Variants in SYT9 observed in about 807,000 individuals in gnomAD.
SYT9 encodes synaptotagmin 9, also known as synaptotagmin-9.
SYT9 carries 22 observed loss-of-function variants against 48.4 expected under a neutral mutation model. The observed-to-expected ratio is 0.45, with a 90% CI of 0.32 to 0.65. The LOEUF (loss-of-function observed/expected upper bound fraction) is 0.65, where lower values mean the gene tolerates loss of function less well. SYT9 is among the 30% of genes least tolerant of loss of function. SYT9 has a pLI of 0.03. For missense variants in SYT9, 577 were observed against 622.0 expected, an observed-to-expected ratio of 0.93 and a Z score of 0.77; for synonymous variants, 265 against 245.0, an observed-to-expected ratio of 1.08 and a Z score of -0.76.
At chr11:7,421,277 T>C (rs1407694409) in intron 6 of SYT9, among the ~76,000 whole-genome samples, 1 of 151,972 alleles carries the variant, frequency 6.6e-6, no homozygotes, top group African/African-American at 2.4e-5. Context: ...GTCCCCTCAT[T>C]ATACAATATG....
At chr11:7,269,217 G>A (rs141016588) in intron 1 of SYT9, among the ~76,000 whole-genome samples, 127 of 152,074 alleles carry the variant, frequency 8.4e-4, no homozygotes, top group African/African-American at 3.0e-3. Flanking sequence ...AATCAGTTGG[G>A]GGGGTGGGAA....
intron 1 of SYT9, among the ~76,000 whole-genome samples, chr11:7,255,637 G>A (rs1214866422): frequency 6.6e-6 from 1 of 152,180 alleles, no homozygotes; most frequent in African/African-American, 2.4e-5. Flanking sequence ...TGAAGGAAGA[G>A]ATGTGAAAGG....
intron 3 of SYT9, among the ~76,000 whole-genome samples, chr11:7,353,900 C>G (rs7116444): frequency 1.3e-5 from 2 of 151,888 alleles, no homozygotes; most frequent in African/African-American, 4.8e-5. Flanking sequence ...AAAACATACA[C>G]AAAATTTTAC....
chr11:7,276,927 G>A (rs1314272502), intron 1 of SYT9, among the ~76,000 whole-genome samples: 3 of 151,764 alleles, frequency 2.0e-5, no homozygotes, highest in African/African-American at 4.8e-5. Flanking sequence ...GGTGGCAGGC[G>A]CCTGTAATCC....
At chr11:7,463,469 C>A (rs984091030) in intron 6 of SYT9, among the ~76,000 whole-genome samples, 1 of 151,994 alleles carries the variant, frequency 6.6e-6, no homozygotes, top group Non-Finnish European at 1.5e-5. Context: ...TTCTAGTCTT[C>A]CCCCAACAGA....
intron 3 of SYT9, among the ~76,000 whole-genome samples, chr11:7,324,566 T>C (rs1400379656): frequency 1.3e-5 from 2 of 152,000 alleles, no homozygotes; most frequent in Non-Finnish European, 2.9e-5. Context: ...TTTAGCTTTA[T>C]GTTTGCAAAT....
intron 6 of SYT9, chr11:7,435,091 G>T (rs563674095): frequency 1.3e-5 from 2 of 152,268 alleles, no homozygotes; most frequent in East Asian, 3.9e-4. Flanking sequence ...GAAAATCAAG[G>T]TTCCCGCCAT....
intron 1 of SYT9, among the ~76,000 whole-genome samples, chr11:7,285,700 TG>T (rs1848583788): frequency 6.6e-6 from 1 of 152,234 alleles, no homozygotes; most frequent in South Asian, 2.1e-4. Flanking sequence ...CCTTTGAGCC[TG>T]TAAAATCTAA....
chr11:7,404,848 A>G (rs763070214), intron 3 of SYT9, among the ~76,000 whole-genome samples: 12 of 152,304 alleles, frequency 7.9e-5, no homozygotes, highest in Non-Finnish European at 1.8e-4. Flanking sequence ...GGATTAGACA[A>G]AAACTACAGT....
intron 3 of SYT9, among the ~76,000 whole-genome samples, chr11:7,409,558 G>T (rs1238970173): frequency 6.6e-6 from 1 of 151,954 alleles, no homozygotes; most frequent in African/African-American, 2.4e-5. Context: ...ACTCGTTATT[G>T]GTCTGTTTAG....
chr11:7,265,535 C>A (rs997213132), intron 1 of SYT9, among the ~76,000 whole-genome samples: 7 of 152,142 alleles, frequency 4.6e-5, no homozygotes, highest in Non-Finnish European at 4.4e-5. Context: ...GCACTTACGG[C>A]CTTCGTGGTT....
intron 6 of SYT9, among the ~76,000 whole-genome samples, chr11:7,442,657 G>T (rs954010643): frequency 7.2e-5 from 11 of 152,252 alleles, no homozygotes; most frequent in Non-Finnish European, 1.3e-4. Flanking sequence ...CAGTCCTGGG[G>T]CTCTCAATAT....
intron 6 of SYT9, chr11:7,456,859 C>G (rs72846891): frequency 0.31 from 47,459 of 152,014 alleles, 8,951 homozygotes; most frequent in African/African-American, 0.52. Flanking sequence ...TCTGTCAAGG[C>G]AAGAGGGGTG....
At chr11:7,423,730 C>T (rs1167902841) in intron 6 of SYT9, among the ~76,000 whole-genome samples, 2 of 152,064 alleles carry the variant, frequency 1.3e-5, no homozygotes, top group Admixed American at 6.5e-5. Context: ...AGAGAAAGGC[C>T]GGGAATCCAC....
chr11:7,274,366 G>A (rs1038743376), intron 1 of SYT9, among the ~76,000 whole-genome samples: 1 of 139,952 alleles, frequency 7.1e-6, no homozygotes, highest in Admixed American at 7.7e-5. Context: ...TGCCTAGGCT[G>A]CAGTGCAGTG....
At chr11:7,406,533 CGCATATAT>C (rs1245071141) in intron 3 of SYT9, among the ~76,000 whole-genome samples, 5 of 59,250 alleles carry the variant, frequency 8.4e-5, no homozygotes, top group Admixed American at 4.8e-4. Context: ...TGTTCAATTG[CGCATATAT>C]ATATATATAT....
At chr11:7,243,369 C>G (rs1911624) in intron 1 of SYT9, among the ~76,000 whole-genome samples, 19,398 of 152,130 alleles carry the variant, frequency 0.13, 1,295 homozygotes, top group Admixed American at 0.18. Flanking sequence ...TAACCTGAAG[C>G]CTGGTTCTTT....
rs2134165313 is a variant in SYT9, at chr11:7,468,620, G to A, written c.*1820G>A. ...CTGTAAAGCTAGGCAGATGAGCCCA[G>A]AAGAATGGTCCCAGAGAAAGCAGAC... is the stretch of plus-strand genomic sequence containing the variant. On this transcript the variant is annotated 3_prime_UTR_variant, in exon 7 of 7. Transcript: ENST00000318881. 3.7e-6 allele frequency: 1 copy of A among 270,640 alleles called. No individual in the cohort carries two copies. Among genetic ancestry groups the A allele is most frequent in the East Asian group, 6.6e-5 (1 of 15,172 alleles). The allele number at this position is 270,640 out of a possible 1,614,324, so 16.8% of individuals were successfully genotyped here. A position where few individuals can be genotyped will look rare whatever the true frequency, so the allele number is the denominator to read the frequency against.
intron 1 of SYT9, among the ~76,000 whole-genome samples, chr11:7,284,557 A>G (rs1455883884): frequency 6.6e-6 from 1 of 152,088 alleles, no homozygotes; most frequent in African/African-American, 2.4e-5. Flanking sequence ...GGCTTCTAGC[A>G]TTCTAGATTC....
Sources: allele counts gnomAD v4.1 joint callset (sites outside exome capture counted in the v4.1 genomes callset), GRCh38; gene constraint gnomAD v4.1.1; transcripts MANE v1.5; gene names NCBI Gene and HGNC (gene_info 2026-07-23, HGNC 2026-07-21).